Variants in LRRK1 observed in about 807,000 individuals in gnomAD.
LRRK1 encodes leucine rich repeat kinase 1, also known as leucine-rich repeat serine/threonine-protein kinase 1.
A neutral mutation model predicts 209.1 loss-of-function variants in LRRK1; 113 were observed. The ratio of observed to expected loss-of-function variants is 0.54; its 90% CI spans 0.46 to 0.63. LRRK1 has a LOEUF of 0.63. LRRK1 is among the 30% of genes least tolerant of loss of function. The pLI is 0.00. For missense variants in LRRK1, 2,284 were observed against 2,632.2 expected (o/e 0.87, Z 2.89); for synonymous variants, 1,144 against 1,099.7 (o/e 1.04, Z -0.80).
In LRRK1 at chr15:100,983,713, C is replaced by T. The variant is rs577118966; in HGVS notation, c.433+14C>T. ...AGTCCTTACCAGGTAAATCACAGGG[C>T]ATGAGCTCTTAACCGTGTCTCAGGG... On this transcript the variant is annotated intron_variant, in intron 4 of 33. Coordinates refer to ENST00000388948, the MANE Select transcript of LRRK1 (RefSeq NM_024652.6). 6.2e-7 allele frequency: 1 copy of T among 1,610,146 alleles called. No homozygotes were observed. Among genetic ancestry groups the T allele is most frequent in the African/African-American group, 1.3e-5 (1 of 74,904 alleles).
At chr15:101,039,645 C>T (rs916876097) in intron 20 of LRRK1, among the ~76,000 whole-genome samples, 2 of 152,150 alleles carry the variant, frequency 1.3e-5, no homozygotes, top group South Asian at 2.1e-4. Flanking sequence ...TGAGAGAAGG[C>T]GTCATTCTGT....
rs745399952 is a variant in LRRK1, at chr15:101,021,829, A to G, written c.1740-16A>G. The G allele has an allele frequency of 6.5e-7, 1 of 1,539,776 alleles. No individual in the cohort carries two copies. Among genetic ancestry groups the G allele is most frequent in the Non-Finnish European group, 9.0e-7 (1 of 1,114,312 alleles). The stretch of plus-strand genomic sequence containing the variant: ...GTGTGTGTGTATTCTCTCGTGGTGG[A>G]CACATCTGTCTTCAGCAACCCTGGC... On this transcript the variant is annotated splice_polypyrimidine_tract_variant and intron_variant, in intron 13 of 33. Transcript: ENST00000388948.
chr15:100,936,041 G>C (rs914352935), intron 2 of LRRK1, among the ~76,000 whole-genome samples: 1 of 152,180 alleles, frequency 6.6e-6, no homozygotes, highest in Non-Finnish European at 1.5e-5. Context: ...CAAGTCAAAG[G>C]CCAGTCCAGA....
intron 2 of LRRK1, among the ~76,000 whole-genome samples, chr15:100,933,821 CAAAAAAAAAAAAAAA>C (rs67129854): frequency 1.0e-3 from 44 of 42,838 alleles, no homozygotes; most frequent in Admixed American, 2.7e-3. Context: ...GACTCCATCT[CAAAAAAAAAAAAAAA>C]AAAAAAAAAA....
intron 2 of LRRK1, among the ~76,000 whole-genome samples, chr15:100,939,788 T>C (rs1342476645): frequency 6.6e-6 from 1 of 152,186 alleles, no homozygotes; most frequent in Non-Finnish European, 1.5e-5. Context: ...TCGGGGTAAA[T>C]AGTTGGGTTT....
chr15:101,054,794 A>T, intron 26 of LRRK1, 152 bp from the exon 27 acceptor site: 1 of 667,874 alleles, frequency 1.5e-6, no homozygotes, highest in Non-Finnish European at 2.4e-6. Context: ...CCTGGGTGAT[A>T]GAGGGAGACT....
chr15:100,950,521 G>C (rs559549433), intron 2 of LRRK1, among the ~76,000 whole-genome samples: 27 of 152,232 alleles, frequency 1.8e-4, no homozygotes, highest in African/African-American at 6.5e-4. Flanking sequence ...ACAAGAGAAT[G>C]GCTAAACCTA....
At chr15:101,060,699 G>A (rs1258904635) in intron 29 of LRRK1, among the ~76,000 whole-genome samples, 4 of 152,164 alleles carry the variant, frequency 2.6e-5, no homozygotes, top group Admixed American at 6.5e-5. Context: ...GGGGACAGCC[G>A]GCCTGGTGAG....
chr15:100,975,538 G>A (rs2031243704), intron 3 of LRRK1, among the ~76,000 whole-genome samples: 1 of 152,228 alleles, frequency 6.6e-6, no homozygotes, highest in Admixed American at 6.5e-5. Flanking sequence ...TTCCTAGAAA[G>A]CTGCCTCTCC....
intron 16 of LRRK1, among the ~76,000 whole-genome samples, chr15:101,025,634 G>A (rs1396918847): frequency 6.6e-6 from 1 of 152,166 alleles, no homozygotes; most frequent in Non-Finnish European, 1.5e-5. Flanking sequence ...GGAGAGACAG[G>A]AAGAGGAGCC....
At chr15:100,942,296 G>C (rs2042455294) in intron 2 of LRRK1, among the ~76,000 whole-genome samples, 1 of 152,162 alleles carries the variant, frequency 6.6e-6, no homozygotes, top group Non-Finnish European at 1.5e-5. Flanking sequence ...TTGCGGAATG[G>C]TTAGCACCAT....
chr15:100,941,960 C>T (rs2042446646), intron 2 of LRRK1, among the ~76,000 whole-genome samples: 1 of 152,194 alleles, frequency 6.6e-6, no homozygotes, highest in African/African-American at 2.4e-5. Context: ...CCCCCAGCAG[C>T]CTCGGAGCTC....
chr15:100,968,634 T>C (rs1349288014), intron 2 of LRRK1, among the ~76,000 whole-genome samples: 2 of 152,174 alleles, frequency 1.3e-5, no homozygotes, highest in African/African-American at 4.8e-5. Flanking sequence ...GCCCTCTCTC[T>C]TTCTTTCTTC....
intron 6 of LRRK1, among the ~76,000 whole-genome samples, chr15:100,991,325 T>C (rs1289392424): frequency 6.6e-6 from 1 of 152,220 alleles, no homozygotes; most frequent in Non-Finnish European, 1.5e-5. Context: ...TTATCGGACA[T>C]TTGTTCTTCT....
Position 101,077,411 on chromosome 15 carries a change from C to T in LRRK1, c.*8563C>T, listed in dbSNP as rs1346955536. On this transcript the variant is annotated 3_prime_UTR_variant, in exon 34 of 34. Coordinates refer to ENST00000388948, the MANE Select transcript of LRRK1 (RefSeq NM_024652.6). ...AGCTGATATCTCCTGGTGCTATCCC[C>T]AAACCGCCACTCTGAACTCTTAAAT... is the stretch of plus-strand genomic sequence containing the variant. 1 of 152,180 alleles carries T rather than the reference C, an allele frequency of 6.6e-6. No homozygotes were observed. Among genetic ancestry groups the T allele is most frequent in the Non-Finnish European group, 1.5e-5 (1 of 68,006 alleles). The allele number at this position is 152,180 out of a possible 1,614,324, so 9.4% of individuals were successfully genotyped here. A position where few individuals can be genotyped will look rare whatever the true frequency, so the allele number is the denominator to read the frequency against.
chr15:101,027,585 G>A lies in LRRK1; in HGVS notation c.2527-53G>A. On this transcript the variant is annotated intron_variant, in intron 18 of 33. Transcript: ENST00000388948. The surrounding 1 kb of genome is among the most constrained non-coding windows in gnomAD (Gnocchi z 5.1). ...GGGCCGGGCAGGATCTGCCCAAGCTGGCAGGTGTGCCTTGGGACCTGAGAG... is the reference window on the plus strand; with the variant it reads ...GGGCCGGGCAGGATCTGCCCAAGCTAGCAGGTGTGCCTTGGGACCTGAGAG... The A allele has an allele frequency of 1.3e-6, 2 of 1,586,942 alleles. No homozygotes were observed. Among genetic ancestry groups the A allele is most frequent in the East Asian group, 2.3e-5 (1 of 43,882 alleles).
At chr15:101,067,405 A>G in intron 33 of LRRK1, 1 of 419,882 alleles carries the variant, frequency 2.4e-6, no homozygotes, top group Non-Finnish European at 4.8e-6. Flanking sequence ...TCCCCTACGA[A>G]AAGTCCTCAG....
At position 101,015,081 on chromosome 15, in the gene LRRK1, C is replaced by T. The variant is rs371875234; in HGVS notation, c.1533-245C>T. Among the ~76,000 whole-genome samples the T allele has an allele frequency of 3.3e-5, 5 of 152,136 alleles. No homozygotes were observed. The East Asian group carries it at 5.8e-4, about 18-fold the overall frequency. On this transcript the variant is annotated intron_variant, in intron 11 of 33. Coordinates refer to ENST00000388948, the MANE Select transcript of LRRK1 (RefSeq NM_024652.6). Reference sequence around the variant, plus strand: ...CCAGCCTCTGGAGACCAGCCGCCCCCGTTATCTGCAGAAGGCCACTTCTGC... The same window carrying T: ...CCAGCCTCTGGAGACCAGCCGCCCCTGTTATCTGCAGAAGGCCACTTCTGC...
intron 2 of LRRK1, among the ~76,000 whole-genome samples, chr15:100,957,651 T>C (rs187784790): frequency 9.2e-5 from 14 of 152,346 alleles, no homozygotes; most frequent in African/African-American, 3.4e-4. Flanking sequence ...GAAATATCTT[T>C]TGTCATTCCT....
Sources: allele counts gnomAD v4.1 joint callset (sites outside exome capture counted in the v4.1 genomes callset), GRCh38; gene constraint gnomAD v4.1.1; non-coding constraint Gnocchi (gnomAD v3.1); transcripts MANE v1.5; gene names NCBI Gene and HGNC (gene_info 2026-07-23, HGNC 2026-07-21).